The following DNAH17 variants were observed in gnomAD, a reference collection of about 807,000 sequenced individuals.
The protein encoded by DNAH17 is axonemal beta dynein heavy chain 17.
DNAH17 carries 376 observed loss-of-function variants against 485.6 expected under a neutral mutation model. The ratio of observed to expected loss-of-function variants is 0.77; its 90% confidence interval spans 0.71 to 0.84. The LOEUF (loss-of-function observed/expected upper bound fraction) is 0.84. DNAH17 is among the 40% of genes least tolerant of loss of function. DNAH17 has a pLI of 0.00. For missense variants in DNAH17, 6,370 were observed against 5,839.3 expected (o/e 1.09, Z -2.96); for synonymous variants, 3,031 against 2,405.9 (o/e 1.26, Z -7.60).
intron 18 of DNAH17, among the ~76,000 whole-genome samples, chr17:78,538,704 A>G (rs1050330899): frequency 1.4e-4 from 22 of 152,098 alleles, no homozygotes; most frequent in Non-Finnish European, 2.5e-4. Flanking sequence ...TTTTGTTGAG[A>G]CGCTTTCACT....
At position 78,457,649 on chromosome 17, in the gene DNAH17, G is replaced by A. The variant is rs142256868; in HGVS notation, c.9977+916C>T. On this transcript the variant is annotated intron_variant, in intron 62 of 80. Coordinates refer to ENST00000389840, the MANE Select transcript of DNAH17 (RefSeq NM_173628.4). The stretch of plus-strand genomic sequence containing the variant: ...GCTGGGACTACAGGTGCGCACAGCC[G>A]TGCCTGGCTTTTTTTTTTTTTTTTT... 9.5e-3 allele frequency among the ~76,000 whole-genome samples: 1,351 copies of A among 142,308 alleles called. 21 individuals are homozygous for A. Among genetic ancestry groups the A allele is most frequent in the African/African-American group, 0.032 (1,253 of 38,572 alleles). The allele number at this position is 142,308 out of a possible 152,430, so 93.4% of individuals were successfully genotyped here.
At chr17:78,526,559 A>G in intron 24 of DNAH17, 92 bp downstream of exon 24, 1 of 1,141,086 alleles carries the variant, frequency 8.8e-7, no homozygotes, top group Non-Finnish European at 1.2e-6. Flanking sequence ...GGCGGAGACC[A>G]CGTTTCTGGA....
chr17:78,560,665 T>C, intron 13 of DNAH17, 75 bp downstream of exon 13: 1 of 1,434,748 alleles, frequency 7.0e-7, no homozygotes, highest in Non-Finnish European at 9.3e-7. Context: ...CATAAATCCG[T>C]GCTGAGGGAA....
At chr17:78,555,944 T>G (rs901145156) in intron 14 of DNAH17, among the ~76,000 whole-genome samples, 1 of 152,346 alleles carries the variant, frequency 6.6e-6, no homozygotes, top group African/African-American at 2.4e-5. Flanking sequence ...GTTCCCCTAG[T>G]TGTCAGGCTT....
chr17:78,474,716 C>T (rs1011184530), intron 54 of DNAH17, among the ~76,000 whole-genome samples: 3 of 147,264 alleles, frequency 2.0e-5, no homozygotes, highest in Admixed American at 6.7e-5. Flanking sequence ...GAAGGTTTCA[C>T]ACCCTTCACC....
rs370629672 is a variant in DNAH17, at chr17:78,434,105, C to T, written c.12149G>A (p.Arg4050Gln). The change falls in exon 75 of 81, where the codon CGG becomes CAG. Residue 4050 changes from arginine to glutamine, a missense_variant. Physicochemically the swap from Arg to Gln is conservative, Grantham distance 43. Coordinates refer to ENST00000389840, the MANE Select transcript of DNAH17 (RefSeq NM_173628.4). The stretch of plus-strand genomic sequence containing the variant: ...GTCCCCGTTGTTGAAGGGGTACGAC[C>T]GGTTCCAGCCCTGGGCGCCGAACTT... Reference protein sequence around the residue: ...RRKFGAQGWNRSYPFNNGDLT... With the variant: ...RRKFGAQGWNQSYPFNNGDLT... The T allele has an allele frequency of 2.5e-5, 41 of 1,613,508 alleles. No individual in the cohort carries two copies. Among genetic ancestry groups the T allele is most frequent in the East Asian group, 8.9e-5 (4 of 44,896 alleles).
chr17:78,567,737 C>T (rs1191043814), intron 9 of DNAH17, among the ~76,000 whole-genome samples: 1 of 152,142 alleles, frequency 6.6e-6, no homozygotes, highest in Non-Finnish European at 1.5e-5. Context: ...CTATTTTGGC[C>T]CATAGCAATG....
In DNAH17 at chr17:78,561,884, G is replaced by C. The variant is rs1039725311; in HGVS notation, c.1666C>G (p.Leu556Val). 6.2e-7 allele frequency: 1 copy of C among 1,613,830 alleles called. No individual in the cohort carries two copies. The highest frequency in any genetic ancestry group is 1.3e-5 in the African/African-American group (1 of 74,936). ...TCGTACAAGATCTTAGCATTGTCTA[G>C]CTCAGCGTCAAACAGCTCCAGCATG... ...SVMLELFDAE[L>V]DNAKILYDAQ... The change falls in exon 12 of 81, where the codon CTA becomes GTA. Residue 556 changes from leucine to valine, a missense_variant. Physicochemically the swap from Leu to Val is conservative, Grantham distance 32. Coordinates refer to ENST00000389840, the MANE Select transcript of DNAH17 (RefSeq NM_173628.4).
intron 75 of DNAH17, 125 bp from the exon 76 acceptor site, chr17:78,429,425 C>T: frequency 9.3e-7 from 1 of 1,075,230 alleles, no homozygotes; most frequent in Admixed American, 2.4e-5. Context: ...TCTCGCCCTC[C>T]AGGTCAGCCT....
chr17:78,528,199 A>G (rs2091129215), intron 22 of DNAH17, among the ~76,000 whole-genome samples: 1 of 152,110 alleles, frequency 6.6e-6, no homozygotes, highest in East Asian at 1.9e-4. Context: ...TTACTACCCC[A>G]GTTGCCTCGT....
intron 44 of DNAH17, among the ~76,000 whole-genome samples, chr17:78,490,403 T>C (rs1409704121): frequency 2.0e-5 from 3 of 152,150 alleles, no homozygotes; most frequent in Non-Finnish European, 2.9e-5. Flanking sequence ...TTCAATCACC[T>C]GGGAAGACTT....
At position 78,505,560 on chromosome 17, in the gene DNAH17, T is replaced by C. The variant is rs868326879; in HGVS notation, c.4804-115A>G. ...CGTTCTTTTTGGAATATACTCCCCA[T>C]CTTTGATCAACGTTGACTAAACATG... On this transcript the variant is annotated intron_variant, in intron 30 of 80. Transcript: ENST00000389840. The C allele has an allele frequency of 1.4e-5, 19 of 1,332,596 alleles. No individual in the cohort carries two copies. The Middle Eastern group carries it at 6.1e-4, about 43-fold the overall frequency. The allele number at this position is 1,332,596 out of a possible 1,614,324, so 82.5% of individuals were successfully genotyped here. A position where few individuals can be genotyped will look rare whatever the true frequency, so the allele number is the denominator to read the frequency against.
chr17:78,471,172 C>T (rs2088732269), intron 54 of DNAH17, among the ~76,000 whole-genome samples: 1 of 152,218 alleles, frequency 6.6e-6, no homozygotes, highest in Middle Eastern at 3.2e-3. Flanking sequence ...CTGCTCCATC[C>T]TTCGGAAGCA....
intron 56 of DNAH17, among the ~76,000 whole-genome samples, chr17:78,463,511 T>C (rs1391404323): frequency 1.3e-5 from 2 of 152,122 alleles, no homozygotes; most frequent in African/African-American, 4.8e-5. Flanking sequence ...TGCATATGCA[T>C]TCACATACCT....
chr17:78,575,191 C>G, intron 1 of DNAH17, 109 bp from the exon 2 acceptor site: 1 of 799,046 alleles, frequency 1.3e-6, no homozygotes, highest in East Asian at 2.7e-5. Context: ...AGGAACAAAA[C>G]AGTTGGTCGA....
intron 16 of DNAH17, among the ~76,000 whole-genome samples, chr17:78,546,327 T>C (rs11658562): frequency 0.23 from 35,009 of 152,224 alleles, 4,785 homozygotes; most frequent in African/African-American, 0.38. Flanking sequence ...CTTTCCATTT[T>C]GTTTTAGATA....
chr17:78,495,924 C>T lies in DNAH17; in HGVS notation c.5854G>A (p.Gly1952Arg). The T allele has an allele frequency of 6.2e-7, 1 of 1,613,972 alleles. No individual in the cohort carries two copies. Reference protein sequence around the residue: ...TVGIFITMNPGYAGRAELPEN... With the variant: ...TVGIFITMNPRYAGRAELPEN... Reference sequence around the variant, plus strand: ...GGCAGCTCCGCGCGTCCGGCGTACCCAGGGTTCATGGTGATGAAGATACCG... The same window carrying T: ...GGCAGCTCCGCGCGTCCGGCGTACCTAGGGTTCATGGTGATGAAGATACCG... The change falls in exon 38 of 81, where the codon GGG becomes AGG. Residue 1952 changes from glycine (G) to arginine (R), a missense_variant. By Grantham distance (125) the Gly-to-Arg change is moderately radical. Coordinates refer to ENST00000389840, the MANE Select transcript of DNAH17 (RefSeq NM_173628.4).
Position 78,571,293 on chromosome 17 carries a change from G to A in DNAH17, c.818C>T (p.Thr273Ile), listed in dbSNP as rs376160363. The change falls in exon 5 of 81, where the codon ACC (threonine) becomes ATC (isoleucine). Residue 273 changes from threonine to isoleucine, a missense_variant. By Grantham distance (89) the Thr-to-Ile change is moderately conservative (BLOSUM62 -1). Transcript: ENST00000389840. ...CACAGGCTCACCTTCAGTGACGTTGGTGTAAACGTTTTGCAGGGCTGGCCA... is the reference window on the plus strand; with the variant it reads ...CACAGGCTCACCTTCAGTGACGTTGATGTAAACGTTTTGCAGGGCTGGCCA... ...CYWPALQNVY[T>I]NVTEGLKEAN... The A allele has an allele frequency of 1.2e-6, 2 of 1,613,306 alleles. No homozygotes were observed. The highest frequency in any genetic ancestry group is 1.1e-5 in the South Asian group (1 of 90,942).
At chr17:78,551,971 A>G (rs2143566635) in intron 15 of DNAH17, among the ~76,000 whole-genome samples, 1 of 151,966 alleles carries the variant, frequency 6.6e-6, no homozygotes, top group East Asian at 1.9e-4. Flanking sequence ...TCAGGAAAAA[A>G]AAAAAAAAAA....
Sources: allele counts gnomAD v4.1 joint callset (sites outside exome capture counted in the v4.1 genomes callset), GRCh38; gene constraint gnomAD v4.1.1; transcripts MANE v1.5; gene names NCBI Gene and HGNC (gene_info 2026-07-23, HGNC 2026-07-21).